EYS: variants seen among roughly 807,000 people sequenced by gnomAD.
EYS encodes the protein protein eyes shut homolog.
Under a neutral mutation model 282.1 loss-of-function variants are expected in EYS, and 250 were observed. The ratio of observed to expected loss-of-function variants is 0.89; its 90% CI spans 0.80 to 0.98. The LOEUF (loss-of-function observed/expected upper bound fraction) is 0.98. EYS is among the 50% of genes least tolerant of loss of function. The pLI is 0.00. For missense variants in EYS, 4,016 were observed against 3,709.0 expected, an observed-to-expected ratio of 1.08 and a Z score of -2.15; for synonymous variants, 1,355 against 1,282.9, an observed-to-expected ratio of 1.06 and a Z score of -1.20.
chr6:64,652,083 A>T (rs1033948642), intron 22 of EYS, among the ~76,000 whole-genome samples: 1 of 152,216 alleles, frequency 6.6e-6, no homozygotes, highest in African/African-American at 2.4e-5. Flanking sequence ...CCTGCCAAGA[A>T]CTTATTTTAG....
chr6:64,971,625 A>T (rs1050330257), intron 14 of EYS, among the ~76,000 whole-genome samples: 2 of 152,152 alleles, frequency 1.3e-5, no homozygotes, highest in Admixed American at 1.3e-4. Flanking sequence ...TTGATAGTGG[A>T]CATGCCCCTA....
At chr6:64,301,852 C>G (rs1023588334) in intron 30 of EYS, among the ~76,000 whole-genome samples, 1 of 152,132 alleles carries the variant, frequency 6.6e-6, no homozygotes, top group African/African-American at 2.4e-5. Context: ...TGGTGGAGAC[C>G]ACATAATTTC....
chr6:64,977,184 C>A (rs1367095960), intron 14 of EYS, among the ~76,000 whole-genome samples: 1 of 151,930 alleles, frequency 6.6e-6, no homozygotes, highest in Admixed American at 6.6e-5. Context: ...TGAACCACTG[C>A]ACGTTGCCTT....
intron 12 of EYS, among the ~76,000 whole-genome samples, chr6:65,142,037 T>A (rs1401382602): frequency 6.6e-6 from 1 of 152,078 alleles, no homozygotes; most frequent in Non-Finnish European, 1.5e-5. Flanking sequence ...TACACTATCA[T>A]TAACTACAGT....
intron 26 of EYS, among the ~76,000 whole-genome samples, chr6:64,535,117 A>G (rs1487514662): frequency 6.6e-6 from 1 of 152,060 alleles, no homozygotes; most frequent in Non-Finnish European, 1.5e-5. Flanking sequence ...CCCAACCTTT[A>G]TGTGAGTTGG....
intron 2 of EYS, among the ~76,000 whole-genome samples, chr6:65,618,661 T>G (rs1284782298): frequency 6.6e-6 from 1 of 152,220 alleles, no homozygotes; most frequent in Non-Finnish European, 1.5e-5. Context: ...TGCCTAGGTT[T>G]TCTTCTAGGG....
chr6:65,412,388 T>C (rs1767056419), intron 5 of EYS, among the ~76,000 whole-genome samples: 1 of 152,194 alleles, frequency 6.6e-6, no homozygotes, highest in African/African-American at 2.4e-5. Context: ...AAGGCATGTA[T>C]AGTTTTTAAA....
intron 31 of EYS, among the ~76,000 whole-genome samples, chr6:64,220,779 A>T (rs9351194): frequency 0.31 from 47,644 of 152,022 alleles, 7,468 homozygotes; most frequent in East Asian, 0.5. Context: ...TTTGAATCTA[A>T]CGTTGTTTAT....
chr6:63,744,520 A>G (rs1769162140), intron 41 of EYS: 3 of 151,410 alleles, frequency 2.0e-5, no homozygotes, highest in African/African-American at 4.9e-5. Context: ...ACTTTCTTCT[A>G]TAGTTTTTAA....
chr6:64,141,152 C>A (rs1161026950), intron 31 of EYS, among the ~76,000 whole-genome samples: 1 of 152,264 alleles, frequency 6.6e-6, no homozygotes, highest in Admixed American at 6.5e-5. Flanking sequence ...TTCGTTTACA[C>A]TAAGATCCTT....
At chr6:64,361,001 C>T (rs1771983181) in intron 29 of EYS, among the ~76,000 whole-genome samples, 1 of 151,544 alleles carries the variant, frequency 6.6e-6, no homozygotes, top group Non-Finnish European at 1.5e-5. Flanking sequence ...CCTTGAAAAC[C>T]TGAGGAAAAT....
intron 12 of EYS, among the ~76,000 whole-genome samples, chr6:65,168,053 G>A (rs927712766): frequency 9.3e-5 from 14 of 149,736 alleles, no homozygotes; most frequent in Non-Finnish European, 1.9e-4. Flanking sequence ...CAGCCCTTGG[G>A]GACTGCTGTA....
chr6:64,456,689 T>C lies in EYS; in HGVS notation c.5645-17337A>G, dbSNP rs190451271. 1.4e-4 allele frequency among the ~76,000 whole-genome samples: 22 copies of C among 152,138 alleles called. 1 individual carries two copies. The East Asian group carries it at 3.9e-3, about 27-fold the overall frequency. ...AGTGGGTTTTTTTGCAGGCATATGC[T>C]CTAAATTTTTCTGAGGCATATATTT... On this transcript the variant is annotated intron_variant, in intron 26 of 42. Transcript: ENST00000503581.
In EYS at chr6:64,061,716, T is replaced by C. The variant is rs1419508548; in HGVS notation, c.6725+4622A>G. On this transcript the variant is annotated intron_variant, in intron 33 of 42. Transcript: ENST00000503581. ...AAATAAGTTTTTATTAGGCTGGGCATGGTGGATCATGCCTGTAATCCCAGT... is the reference window on the plus strand; with the variant it reads ...AAATAAGTTTTTATTAGGCTGGGCACGGTGGATCATGCCTGTAATCCCAGT... Among the ~76,000 whole-genome samples the C allele has an allele frequency of 3.3e-5, 5 of 152,200 alleles. No homozygotes were observed. The South Asian group carries it at 6.2e-4, about 19-fold the overall frequency.
intron 19 of EYS, among the ~76,000 whole-genome samples, chr6:64,850,841 T>C (rs1765860825): frequency 6.6e-6 from 1 of 152,022 alleles, no homozygotes; most frequent in Non-Finnish European, 1.5e-5. Flanking sequence ...GTAATAGAGA[T>C]AGACATGATT....
intron 34 of EYS, among the ~76,000 whole-genome samples, chr6:63,997,605 T>C (rs979545910): frequency 7.2e-5 from 11 of 152,178 alleles, no homozygotes; most frequent in African/African-American, 2.7e-4. Flanking sequence ...TTATTTTCCA[T>C]TGAAATAATA....
chr6:63,780,255 A>G (rs987449694), intron 39 of EYS, among the ~76,000 whole-genome samples: 3 of 152,194 alleles, frequency 2.0e-5, no homozygotes, highest in Non-Finnish European at 2.9e-5. Flanking sequence ...TCCTTTAGGT[A>G]TATGCCCAGT....
At chr6:64,725,737 C>A (rs1771730315) in intron 22 of EYS, among the ~76,000 whole-genome samples, 1 of 151,856 alleles carries the variant, frequency 6.6e-6, no homozygotes, top group African/African-American at 2.4e-5. Flanking sequence ...TCTACTTCAT[C>A]CTCAACGTTC....
chr6:65,267,156 G>A (rs57743160), intron 12 of EYS, among the ~76,000 whole-genome samples: 2 of 151,534 alleles, frequency 1.3e-5, no homozygotes, highest in East Asian at 1.9e-4. Context: ...TTGAAAATAC[G>A]GACTCCTGGT....
Sources: allele counts gnomAD v4.1 joint callset (sites outside exome capture counted in the v4.1 genomes callset), GRCh38; gene constraint gnomAD v4.1.1; transcripts MANE v1.5; gene names NCBI Gene and HGNC (gene_info 2026-07-23, HGNC 2026-07-21).